GCFC2: variants seen among roughly 807,000 people sequenced by gnomAD.
The protein encoded by GCFC2 is intron Large complex component GCFC2.
Under a neutral mutation model 99.4 loss-of-function variants are expected in GCFC2, and 102 were observed. The observed-to-expected ratio is 1.03, with a 90% confidence interval of 0.87 to 1.21. The LOEUF (loss-of-function observed/expected upper bound fraction) is 1.21. GCFC2 is among the 50% of genes most tolerant of loss of function. The pLI is 0.00. For synonymous variants in GCFC2, 338 were observed against 316.8 expected (o/e 1.07, Z -0.71); for missense variants, 973 against 920.9 (o/e 1.06, Z -0.73).
At chr2:75,704,079 C>T (rs1680727027) in intron 2 of GCFC2, among the ~76,000 whole-genome samples, 2 of 152,178 alleles carry the variant, frequency 1.3e-5, no homozygotes, top group South Asian at 2.1e-4. Context: ...TTCAATACCT[C>T]GTTCAAGGGT....
chr2:75,690,836 A>G, intron 7 of GCFC2, 117 bp from the exon 8 acceptor site: 1 of 592,782 alleles, frequency 1.7e-6, no homozygotes, highest in Non-Finnish European at 3.0e-6. Context: ...AAATACATAA[A>G]TATGCTTAAA....
chr2:75,702,406 C>T lies in GCFC2; in HGVS notation c.412G>A (p.Ala138Thr). 1 of 1,613,396 alleles carries T rather than the reference C, an allele frequency of 6.2e-7. No individual in the cohort carries two copies. The highest frequency in any genetic ancestry group is 8.5e-7 in the Non-Finnish European group (1 of 1,179,448). ...TTTCTGCGGGCTGCCTGAATAAAAG[C>T]TGCATCTGGGATCTTAACTGAAGGA... Reference protein sequence around the residue: ...LSSTVKIPDAAFIQAARRKRE... With the variant: ...LSSTVKIPDATFIQAARRKRE... The change falls in exon 3 of 17, where the codon GCT (alanine) becomes ACT (threonine). Residue 138 changes from alanine (A) to threonine (T), a missense_variant. Physicochemically the swap from Ala to Thr is moderately conservative, Grantham distance 58. Coordinates refer to ENST00000321027, the MANE Select transcript of GCFC2 (RefSeq NM_003203.5).
chr2:75,692,698 TAA>T (rs1003198058), intron 6 of GCFC2, among the ~76,000 whole-genome samples: 1 of 151,528 alleles, frequency 6.6e-6, no homozygotes, highest in African/African-American at 2.4e-5. Flanking sequence ...GAACATGCAT[TAA>T]AGTTTGAGAT....
chr2:75,688,952 G>T, intron 10 of GCFC2, 74 bp downstream of exon 10: 1 of 819,088 alleles, frequency 1.2e-6, no homozygotes, highest in Non-Finnish European at 2.0e-6. Context: ...GGTATTTAAT[G>T]CCTAACACAA....
At position 75,694,385 on chromosome 2, in the gene GCFC2, C is replaced by G. The variant is rs750499554; in HGVS notation, c.876G>C (p.Glu292Asp). Reference sequence around the variant, plus strand: ...TGACATCTTGTACGTATTTTTCATACTCCCTCAGGTGTGAGCGGTGAGTTT... The same window carrying G: ...TGACATCTTGTACGTATTTTTCATAGTCCCTCAGGTGTGAGCGGTGAGTTT... ...LQETHRSHLREYEKYVQDVKS... is the reference protein window; with the variant it reads ...LQETHRSHLRDYEKYVQDVKS... The change falls in exon 6 of 17, where the codon GAG (glutamate) becomes GAC (aspartate). Residue 292 changes from glutamate (E) to aspartate (D), a missense_variant. By Grantham distance (45) the Glu-to-Asp change is conservative (BLOSUM62 2). Transcript: ENST00000321027. The G allele has an allele frequency of 2.6e-6, 4 of 1,527,442 alleles. No individual in the cohort carries two copies. Among genetic ancestry groups the G allele is most frequent in the Admixed American group, 3.6e-5 (2 of 55,594 alleles). The allele number at this position is 1,527,442 out of a possible 1,614,324, so 94.6% of individuals were successfully genotyped here. A position where few individuals can be genotyped will look rare whatever the true frequency, so the allele number is the denominator to read the frequency against.
chr2:75,704,002 C>T (rs33971443), intron 2 of GCFC2, among the ~76,000 whole-genome samples: 29,279 of 152,078 alleles, frequency 0.19, 3,481 homozygotes, highest in South Asian at 0.26. Context: ...GGTAACTGCT[C>T]AAGTAAAAAT....
chr2:75,695,822 A>C (rs1680289441), intron 5 of GCFC2, among the ~76,000 whole-genome samples: 1 of 152,222 alleles, frequency 6.6e-6, no homozygotes, highest in Non-Finnish European at 1.5e-5. Context: ...TTACAGAGCA[A>C]AGAGATGCTG....
At chr2:75,672,857 C>T (rs1679165068) in intron 13 of GCFC2, among the ~76,000 whole-genome samples, 1 of 152,160 alleles carries the variant, frequency 6.6e-6, no homozygotes, top group African/African-American at 2.4e-5. Flanking sequence ...TCTATATCAC[C>T]TGCTATGTTC....
chr2:75,691,964 G>A lies in GCFC2; in HGVS notation c.1144+13C>T, dbSNP rs754942144. The A allele has an allele frequency of 4.6e-5, 66 of 1,420,310 alleles. No individual in the cohort carries two copies. The highest frequency in any genetic ancestry group is 5.4e-5 in the Non-Finnish European group (57 of 1,062,226). 88.0% of individuals were successfully genotyped at this position (1,420,310 alleles called of 1,614,324 possible). A position where few individuals can be genotyped will look rare whatever the true frequency, so the allele number is the denominator to read the frequency against. ...ATGAATAATAAATTGTATGGAACAC[G>A]AAAAACACTAACGTGATAACTGTTG... On this transcript the variant is annotated intron_variant, in intron 7 of 16. Coordinates refer to ENST00000321027, the MANE Select transcript of GCFC2 (RefSeq NM_003203.5).
chr2:75,700,198 C>T (rs538151516), intron 4 of GCFC2, among the ~76,000 whole-genome samples: 1 of 152,106 alleles, frequency 6.6e-6, no homozygotes, highest in Non-Finnish European at 1.5e-5. Flanking sequence ...TTCATCCCAC[C>T]TTACTGTATT....
intron 12 of GCFC2, among the ~76,000 whole-genome samples, chr2:75,676,143 T>C (rs186269961): frequency 5.9e-5 from 9 of 152,302 alleles, no homozygotes; most frequent in African/African-American, 1.9e-4. Flanking sequence ...TTATTTGAAA[T>C]AGATTCTGTT....
Position 75,673,507 on chromosome 2 carries a change from G to A in GCFC2, c.1826C>T (p.Ser609Phe), listed in dbSNP as rs776875180. 17 of 1,291,932 alleles carry A rather than the reference G, an allele frequency of 1.3e-5. No homozygotes were observed. The highest frequency in any genetic ancestry group is 3.7e-4 in the Middle Eastern group (2 of 5,460). The allele number at this position is 1,291,932 out of a possible 1,614,324, so 80.0% of individuals were successfully genotyped here. The change falls in exon 13 of 17, where the codon TCC (serine) becomes TTC (phenylalanine). Residue 609 changes from serine to phenylalanine, a missense_variant. Coordinates refer to ENST00000321027, the MANE Select transcript of GCFC2 (RefSeq NM_003203.5). ...VSKSRQDLLKSIVSRMKKAVE... is the reference protein window; with the variant it reads ...VSKSRQDLLKFIVSRMKKAVE... ...TGCCTTTTTCATTCTTGAAACAATG[G>A]ATTTAAGTAAATCCTATTATTACAA...
intron 11 of GCFC2, among the ~76,000 whole-genome samples, chr2:75,687,502 G>A (rs186456067): frequency 1.4e-4 from 22 of 152,214 alleles, no homozygotes; most frequent in Non-Finnish European, 2.5e-4. Context: ...AGAGAGGTGG[G>A]CAGGAAACTA....
chr2:75,667,320 T>C lies in GCFC2; in HGVS notation c.2104-1267A>G, dbSNP rs967408555. ...ATATCACACTATTCAAGGAAATTCC[T>C]AGATAATCATACAGATTATGCTACA... On this transcript the variant is annotated intron_variant, in intron 15 of 16. Coordinates refer to ENST00000321027, the MANE Select transcript of GCFC2 (RefSeq NM_003203.5). Among the ~76,000 whole-genome samples the C allele has an allele frequency of 5.3e-5, 8 of 152,006 alleles. No homozygotes were observed. The East Asian group carries it at 1.3e-3, about 26-fold the overall frequency.
Position 75,696,390 on chromosome 2 carries a change from G to C in GCFC2, c.718-75C>G, listed in dbSNP as rs547852612. ...TTGAAACATTAATAGCATGTAAAGG[G>C]ACTGGATGATCCAAGGTCTCTTCAA... On this transcript the variant is annotated intron_variant, in intron 4 of 16. Coordinates refer to ENST00000321027, the MANE Select transcript of GCFC2 (RefSeq NM_003203.5). 2,119 of 689,372 alleles carry C rather than the reference G, an allele frequency of 3.1e-3. 14 individuals are homozygous for C. The highest frequency in any genetic ancestry group is 4.4e-3 in the Non-Finnish European group (1,687 of 379,850). The allele number at this position is 689,372 out of a possible 1,614,324, so 42.7% of individuals were successfully genotyped here.
chr2:75,670,170 G>A lies in GCFC2; in HGVS notation c.2071C>T (p.Pro691Ser), dbSNP rs777166372. 2.3e-5 allele frequency: 37 copies of A among 1,606,994 alleles called. No homozygotes were observed. The East Asian group carries it at 2.9e-4, about 13-fold the overall frequency. The change falls in exon 15 of 17, where the codon CCT (proline) becomes TCT (serine). Residue 691 changes from proline to serine, a missense_variant. By Grantham distance (74) the Pro-to-Ser change is moderately conservative. Coordinates refer to ENST00000321027, the MANE Select transcript of GCFC2 (RefSeq NM_003203.5). ...YLIIALLNATPGPDVVKKCNQ... is the reference protein window; with the variant it reads ...YLIIALLNATSGPDVVKKCNQ... ...CACTTTTTAACCACATCTGGCCCAG[G>A]TGTGGCATTGAGAAGTGCTATAATA...
intron 14 of GCFC2, among the ~76,000 whole-genome samples, chr2:75,671,234 C>T (rs545804921): frequency 2.0e-5 from 3 of 152,218 alleles, no homozygotes; most frequent in Non-Finnish European, 2.9e-5. Flanking sequence ...TAGTATTTCC[C>T]GAGGTTCTGT....
chr2:75,688,987 T>A lies in GCFC2; in HGVS notation c.1539+39A>T. On this transcript the variant is annotated intron_variant, in intron 10 of 16. Coordinates refer to ENST00000321027, the MANE Select transcript of GCFC2 (RefSeq NM_003203.5). ...ATAGTAAGGGAATTTAAGCAACTAA[T>A]ATAATCAGGATAATTTTTCATATGT... 6 of 1,106,142 alleles carry A rather than the reference T, an allele frequency of 5.4e-6. No homozygotes were observed. The South Asian group carries it at 8.2e-5, about 15-fold the overall frequency. 68.5% of individuals were successfully genotyped at this position (1,106,142 alleles called of 1,614,324 possible). A position where few individuals can be genotyped will look rare whatever the true frequency, so the allele number is the denominator to read the frequency against.
rs1678744975 is a variant in GCFC2 at position 75,664,627 on chromosome 2, A to G, written c.*39T>C. On this transcript the variant is annotated 3_prime_UTR_variant, in exon 17 of 17. Transcript: ENST00000321027. Reference sequence around the variant, plus strand: ...CTTCTCAAACAAAGGAACTGAGTGTAACTATATTAAAATTTTAGCATTTTC... The same window carrying G: ...CTTCTCAAACAAAGGAACTGAGTGTGACTATATTAAAATTTTAGCATTTTC... The G allele has an allele frequency of 3.5e-6, 3 of 864,924 alleles. No homozygotes were observed. The highest frequency in any genetic ancestry group is 1.4e-5 in the South Asian group (1 of 70,530). 53.6% of individuals were successfully genotyped at this position (864,924 alleles called of 1,614,324 possible).
Sources: gnomAD v4.1 joint callset for allele counts (sites outside exome capture counted in the v4.1 genomes callset) on GRCh38, gnomAD v4.1.1 for gene constraint, MANE v1.5 for transcripts, NCBI Gene and HGNC (gene_info 2026-07-23, HGNC 2026-07-21) for gene names.